CCDC171: variants seen among roughly 807,000 people sequenced by gnomAD.
CCDC171 encodes coiled-coil domain-containing protein 171.
In CCDC171, 177 loss-of-function variants were observed where a neutral mutation model predicts 168.2. That is an observed-to-expected ratio of 1.05 (90% confidence interval 0.93 to 1.19). The LOEUF (loss-of-function observed/expected upper bound fraction) is 1.19, where lower values mean the gene tolerates loss of function less well. Among genes scored for constraint, CCDC171 ranks in the 50% most tolerant of loss-of-function variants. The pLI is 0.00. For missense variants in CCDC171, 1,991 were observed against 1,539.0 expected, an observed-to-expected ratio of 1.29 and a Z score of -4.91; for synonymous variants, 687 against 540.8, an observed-to-expected ratio of 1.27 and a Z score of -3.75.
At chr9:15,945,996 T>G (rs1026527246) in intron 25 of CCDC171, among the ~76,000 whole-genome samples, 2 of 151,528 alleles carry the variant, frequency 1.3e-5, no homozygotes, top group East Asian at 2.0e-4. Context: ...TTTTCTTCTC[T>G]GGTTTTTATG....
chr9:15,976,827 T>C (rs943729950), downstream of CCDC171, among the ~76,000 whole-genome samples: 1 of 152,142 alleles, frequency 6.6e-6, no homozygotes, highest in African/African-American at 2.4e-5. Flanking sequence ...GAATCCATTT[T>C]GTCTTTACTT....
chr9:15,721,530 C>G (rs2053474790), intron 11 of CCDC171, among the ~76,000 whole-genome samples: 1 of 150,212 alleles, frequency 6.7e-6, no homozygotes, highest in Non-Finnish European at 1.5e-5. Flanking sequence ...ATATTATGAA[C>G]TTTAATTTGG....
chr9:15,843,630 A>G (rs2060776068), intron 21 of CCDC171, among the ~76,000 whole-genome samples: 1 of 152,086 alleles, frequency 6.6e-6, no homozygotes, highest in South Asian at 2.1e-4. Flanking sequence ...TTTAATTAGT[A>G]TACAAATAAA....
chr9:15,909,589 T>A lies in CCDC171; in HGVS notation c.3601-10681T>A, dbSNP rs182045108. ...AAACTAGAGTACAATTCCACATCTT[T>A]GATGGGGATTTTATTGGAGTCACAG... On this transcript the variant is annotated intron_variant, in intron 24 of 25. Coordinates refer to ENST00000380701, the MANE Select transcript of CCDC171 (RefSeq NM_173550.4). Among the ~76,000 whole-genome samples the A allele has an allele frequency of 1.7e-3, 258 of 152,278 alleles. 1 individual carries two copies. Among genetic ancestry groups the A allele is most frequent in the Non-Finnish European group, 2.0e-3 (133 of 68,028 alleles).
At position 15,812,497 on chromosome 9, in the gene CCDC171, A is replaced by G. The variant is rs561266142; in HGVS notation, c.3267+27803A>G. ...ATTGCCTTATAGTCTTTTAACCTTAAACAAAATTTGGGCCCTCAAATATTT... is the reference window on the plus strand; with the variant it reads ...ATTGCCTTATAGTCTTTTAACCTTAGACAAAATTTGGGCCCTCAAATATTT... On this transcript the variant is annotated intron_variant, in intron 21 of 25. Transcript: ENST00000380701. Among the ~76,000 whole-genome samples, 344 of 152,298 alleles carry G rather than the reference A, an allele frequency of 2.3e-3. 1 individual carries two copies. Among genetic ancestry groups the G allele is most frequent in the Middle Eastern group, 6.8e-3 (2 of 294 alleles).
At chr9:15,574,333 C>G (rs189287884) in intron 3 of CCDC171, among the ~76,000 whole-genome samples, 1 of 151,342 alleles carries the variant, frequency 6.6e-6, no homozygotes. Context: ...TTAGTAGAGA[C>G]GGGATTTCAC....
intron 25 of CCDC171, among the ~76,000 whole-genome samples, chr9:15,944,451 A>G (rs1281994456): frequency 1.3e-5 from 2 of 152,054 alleles, no homozygotes; most frequent in Non-Finnish European, 2.9e-5. Flanking sequence ...GCTAACATTT[A>G]TCTAATACTT....
the CCDC171 span, among the ~76,000 whole-genome samples, chr9:16,072,137 A>G: frequency 4.1e-3 from 627 of 152,344 alleles, 5 homozygotes; most frequent in Admixed American, 7.5e-3. Context: ...TAGAATGCAA[A>G]GCTCATATGA....
intron 21 of CCDC171, among the ~76,000 whole-genome samples, chr9:15,826,042 A>C (rs1223568352): frequency 2.0e-5 from 3 of 151,922 alleles, no homozygotes; most frequent in African/African-American, 7.3e-5. Flanking sequence ...TATGGCTCTT[A>C]TATTTTAAAA....
the CCDC171 span, among the ~76,000 whole-genome samples, chr9:16,100,003 T>TA: frequency 0.36 from 52,380 of 145,528 alleles, 9,314 homozygotes; most frequent in African/African-American, 0.42. Context: ...GCTTTCAAGT[T>TA]AAAAAAAAAA....
chr9:15,896,277 A>G (rs1820886156), intron 24 of CCDC171, among the ~76,000 whole-genome samples: 1 of 152,034 alleles, frequency 6.6e-6, no homozygotes, highest in Non-Finnish European at 1.5e-5. Context: ...GAAGCCAGAA[A>G]AAAGTTTAGA....
the CCDC171 span, among the ~76,000 whole-genome samples, chr9:16,066,996 C>A: frequency 6.6e-6 from 1 of 151,986 alleles, no homozygotes; most frequent in East Asian, 1.9e-4. Context: ...ATGGCTGGGT[C>A]AAATGGTATT....
At chr9:16,024,204 C>A (rs551590151) in intron 6 of CCDC171, among the ~76,000 whole-genome samples, 2 of 152,200 alleles carry the variant, frequency 1.3e-5, no homozygotes, top group East Asian at 3.9e-4. Context: ...CTTCTGACCT[C>A]CAGAACTTTA....
intron 4 of CCDC171, among the ~76,000 whole-genome samples, chr9:15,580,635 A>G (rs1587116638): frequency 1.3e-5 from 2 of 152,068 alleles, no homozygotes; most frequent in Admixed American, 6.5e-5. Context: ...AAAAATGTTC[A>G]ATATCACTAA....
the CCDC171 span, among the ~76,000 whole-genome samples, chr9:16,079,031 T>C: frequency 6.6e-6 from 1 of 152,272 alleles, no homozygotes; most frequent in Non-Finnish European, 1.5e-5. Context: ...TAAATTGCTT[T>C]GTACTTTTAC....
chr9:15,988,383 A>G (rs145612075), intron 3 of CCDC171, among the ~76,000 whole-genome samples: 1 of 152,272 alleles, frequency 6.6e-6, no homozygotes, highest in African/African-American at 2.4e-5. Context: ...TTTCCTCCAG[A>G]ATCATTTGTC....
In CCDC171 at chr9:15,893,972, C is replaced by T. The variant is rs563556203; in HGVS notation, c.3600+19309C>T. On this transcript the variant is annotated intron_variant, in intron 24 of 25. Transcript: ENST00000380701. ...TAAATCATTGTTATAATGATACATG[C>T]ACACGTATGTTCGTTGTAGCACTGT... is the stretch of plus-strand genomic sequence containing the variant. Among the ~76,000 whole-genome samples, 9 of 152,220 alleles carry T rather than the reference C, an allele frequency of 5.9e-5. No homozygotes were observed. The South Asian group carries it at 1.9e-3, about 32-fold the overall frequency.
intron 25 of CCDC171, among the ~76,000 whole-genome samples, chr9:15,932,753 C>G (rs576106480): frequency 6.6e-6 from 1 of 152,010 alleles, no homozygotes; most frequent in Admixed American, 6.6e-5. Context: ...TCCCATAGGC[C>G]TTTATTGTTT....
At chr9:15,907,876 C>G (rs202120043) in intron 24 of CCDC171, among the ~76,000 whole-genome samples, 1 of 152,214 alleles carries the variant, frequency 6.6e-6, no homozygotes, top group Non-Finnish European at 1.5e-5. Flanking sequence ...AAAGGAGACA[C>G]TTATGCAGCC....
Sources: gnomAD v4.1 joint callset for allele counts (sites outside exome capture counted in the v4.1 genomes callset) on GRCh38, gnomAD v4.1.1 for gene constraint, MANE v1.5 for transcripts, NCBI Gene and HGNC (gene_info 2026-07-23, HGNC 2026-07-21) for gene names.